Variants in KCTD3 observed in about 807,000 individuals in gnomAD.
The protein encoded by KCTD3 is BTB/POZ domain-containing protein KCTD3.
KCTD3 carries 41 observed loss-of-function variants against 85.8 expected under a neutral mutation model. The observed-to-expected ratio is 0.48, with a 90% CI of 0.37 to 0.62. The LOEUF (loss-of-function observed/expected upper bound fraction) is 0.62. Among genes scored for constraint, KCTD3 ranks in the 20% least tolerant of loss-of-function variants. KCTD3 has a pLI of 0.00. For synonymous variants in KCTD3, 338 were observed against 345.4 expected (o/e 0.98, Z 0.24); for missense variants, 724 against 989.9 (o/e 0.73, Z 3.60).
chr1:215,601,335 A>G (rs140776978), intron 10 of KCTD3, among the ~76,000 whole-genome samples: 74 of 152,370 alleles, frequency 4.9e-4, no homozygotes, highest in African/African-American at 1.7e-3. Context: ...CTAGAAAAGA[A>G]GTAACCTTTA....
chr1:215,603,779 A>G (rs1396147752), intron 12 of KCTD3, among the ~76,000 whole-genome samples: 1 of 152,202 alleles, frequency 6.6e-6, no homozygotes, highest in Non-Finnish European at 1.5e-5. Flanking sequence ...GTGAGGTGAC[A>G]GATAAAAAGA....
intron 15 of KCTD3, among the ~76,000 whole-genome samples, chr1:215,617,789 T>TAA (rs938574791): frequency 5.3e-4 from 78 of 147,400 alleles, no homozygotes; most frequent in African/African-American, 1.8e-3. Context: ...TATATATATA[T>TAA]AATGTATATA....
chr1:215,567,968 G>A (rs1659206247), intron 1 of KCTD3, among the ~76,000 whole-genome samples, 200 bp downstream of exon 1: 1 of 152,220 alleles, frequency 6.6e-6, no homozygotes, highest in Non-Finnish European at 1.5e-5. Flanking sequence ...GGGAGAGGCA[G>A]AAGGGACGCT....
chr1:215,575,964 C>A lies in KCTD3; in HGVS notation c.247C>A (p.Leu83Ile). ...TTTAAATTTTCTTCGGACAAAAGAA[C>A]TAGACTTAAGGTAAGAAATGCACTC... ...PILNFLRTKE[L>I]DLRGVSINVL... Residue 83 changes from leucine (L) to isoleucine (I), a missense_variant, in exon 4 of 18, where the codon CTA becomes ATA. Coordinates refer to ENST00000259154, the MANE Select transcript of KCTD3 (RefSeq NM_016121.5). The A allele has an allele frequency of 1.3e-6, 2 of 1,521,198 alleles. No homozygotes were observed. Among genetic ancestry groups the A allele is most frequent in the South Asian group, 1.2e-5 (1 of 84,164 alleles). 94.2% of individuals were successfully genotyped at this position (1,521,198 alleles called of 1,614,324 possible). A position where few individuals can be genotyped will look rare whatever the true frequency, so the allele number is the denominator to read the frequency against.
intron 7 of KCTD3, 67 bp downstream of exon 7, chr1:215,579,204 T>A: frequency 7.4e-7 from 1 of 1,349,780 alleles, no homozygotes; most frequent in Non-Finnish European, 1.0e-6. Flanking sequence ...TGATATTGAG[T>A]AATTACTTTT....
rs778474888 is a variant in KCTD3 at position 215,620,787 on chromosome 1, CTT to C, written c.*172_*173del. On this transcript the variant is annotated 3_prime_UTR_variant, in exon 18 of 18. Transcript: ENST00000259154. ...ATAATGAGATACAATAATCATATCT[CTT>C]TTGACATTTTGGAAATTTTTTTAAT... 3.8e-5 allele frequency: 20 copies of C among 525,116 alleles called. No individual in the cohort carries two copies. Among genetic ancestry groups the C allele is most frequent in the South Asian group, 2.8e-4 (7 of 24,764 alleles). 32.5% of individuals were successfully genotyped at this position (525,116 alleles called of 1,614,324 possible).
At chr1:215,578,141 A>T (rs1371816307) in intron 6 of KCTD3, 60 bp downstream of exon 6, 4 of 1,387,360 alleles carry the variant, frequency 2.9e-6, no homozygotes, top group Non-Finnish European at 3.0e-6. Context: ...AAGTACAAGC[A>T]TATGAATAGG....
rs992302760 is a variant in KCTD3, at chr1:215,576,637, G to C, written c.257+663G>C. Among the ~76,000 whole-genome samples the C allele has an allele frequency of 2.0e-5, 3 of 151,132 alleles. No individual in the cohort carries two copies. The South Asian group carries it at 6.3e-4, about 32-fold the overall frequency. ...AGACTGAGTCTTACTCTGTCACCCAGACTCACTGCAATCTCCACCTCCCGG... is the reference window on the plus strand; with the variant it reads ...AGACTGAGTCTTACTCTGTCACCCACACTCACTGCAATCTCCACCTCCCGG... On this transcript the variant is annotated intron_variant, in intron 4 of 17. Transcript: ENST00000259154.
Position 215,620,105 on chromosome 1 carries a change from T to C in KCTD3, c.1935T>C (p.Gly645=). The C allele has an allele frequency of 6.2e-7, 1 of 1,611,586 alleles. No individual in the cohort carries two copies. Among genetic ancestry groups the C allele is most frequent in the African/African-American group, 1.3e-5 (1 of 74,868 alleles). ...CCACCCATGAAGCAGCTACTTACGGTTCCATGAGGCCTTACAGAGAAAGTC... is the reference window on the plus strand; with the variant it reads ...CCACCCATGAAGCAGCTACTTACGGCTCCATGAGGCCTTACAGAGAAAGTC... The part of the protein sequence containing the change: ...HDTTHEAATY[G]SMRPYRESPL... The change falls in exon 18 of 18, where the codon GGT becomes GGC. Residue 645 remains glycine (G), a synonymous_variant. Coordinates refer to ENST00000259154, the MANE Select transcript of KCTD3 (RefSeq NM_016121.5).
At chr1:215,602,008 A>G in intron 11 of KCTD3, 54 bp downstream of exon 11, 1 of 1,398,620 alleles carries the variant, frequency 7.1e-7, no homozygotes, top group Non-Finnish European at 1.0e-6. Flanking sequence ...TTTAAATGAG[A>G]ACAAGAAAAC....
chr1:215,600,245 G>T (rs1654780036), intron 10 of KCTD3, among the ~76,000 whole-genome samples: 1 of 152,192 alleles, frequency 6.6e-6, no homozygotes, highest in African/African-American at 2.4e-5. Context: ...GACATTGAGA[G>T]GGTACAGAAA....
At chr1:215,610,179 A>G (rs1277988733) in intron 14 of KCTD3, among the ~76,000 whole-genome samples, 1 of 151,858 alleles carries the variant, frequency 6.6e-6, no homozygotes, top group Non-Finnish European at 1.5e-5. Context: ...GTAAAGGTGA[A>G]ATCTACATTG....
In KCTD3 at chr1:215,586,685, G is replaced by T. The variant is rs969826329; in HGVS notation, c.817G>T (p.Gly273Ter). Residue 273 changes from glycine to a stop codon, truncating the protein, a stop_gained and splice_region_variant, in exon 9 of 18, where the codon GGA (glycine) becomes TGA (stop). Transcript: ENST00000259154. LOFTEE classifies it high-confidence loss of function. ...GGATGGGGGAAGTGGAAGTGAAATTGGTAGGAAGAATCTTGTTTATGTTGC... is the reference window on the plus strand; with the variant it reads ...GGATGGGGGAAGTGGAAGTGAAATTTGTAGGAAGAATCTTGTTTATGTTGC... Reference protein sequence around the residue: ...VQDGGSGSEIGVFSLGVPVDA... With the variant: ...VQDGGSGSEI 1 of 1,604,262 alleles carries T rather than the reference G, an allele frequency of 6.2e-7. No homozygotes were observed. Among genetic ancestry groups the T allele is most frequent in the African/African-American group, 1.3e-5 (1 of 74,746 alleles).
chr1:215,594,933 T>A (rs913844500), intron 9 of KCTD3, among the ~76,000 whole-genome samples: 6 of 152,218 alleles, frequency 3.9e-5, no homozygotes, highest in African/African-American at 1.4e-4. Flanking sequence ...TCACTAGTTC[T>A]TAAATATCGG....
Position 215,618,915 on chromosome 1 carries a change from C to T in KCTD3, c.1592C>T (p.Thr531Ile), listed in dbSNP as rs771690664. The part of the protein sequence containing the change: ...RICEIQAVDC[T>I]TISSFTVREC... ...TGTGAGATCCAGGCTGTTGACTGTA[C>T]TACAATATCCTCATTTACAGTGAGG... Residue 531 changes from threonine to isoleucine, a missense_variant, in exon 16 of 18, where the codon ACT (threonine) becomes ATT (isoleucine). This residue lies in a region of KCTD3 where 136 missense variants were observed against 197.6 expected (regional missense o/e 0.69). Coordinates refer to ENST00000259154, the MANE Select transcript of KCTD3 (RefSeq NM_016121.5). 5 of 1,611,606 alleles carry T rather than the reference C, an allele frequency of 3.1e-6. No homozygotes were observed. Among genetic ancestry groups the T allele is most frequent in the Admixed American group, 1.7e-5 (1 of 59,350 alleles).
intron 1 of KCTD3, among the ~76,000 whole-genome samples, chr1:215,568,746 C>A (rs1659252533): frequency 6.6e-6 from 1 of 152,034 alleles, no homozygotes; most frequent in Non-Finnish European, 1.5e-5. Context: ...GTCTTAGAAC[C>A]ATAGTGATAA....
intron 1 of KCTD3, among the ~76,000 whole-genome samples, chr1:215,568,259 A>G (rs1327432756): frequency 2.0e-5 from 3 of 151,978 alleles, no homozygotes; most frequent in Admixed American, 2.0e-4. Flanking sequence ...TGTAATTTGA[A>G]AGATTTCTGT....
intron 8 of KCTD3, among the ~76,000 whole-genome samples, chr1:215,582,736 A>G (rs1659871479): frequency 6.6e-6 from 1 of 151,786 alleles, no homozygotes. Flanking sequence ...CAATTTTTGT[A>G]TTTTTAGTAG....
chr1:215,618,813 C>T, intron 15 of KCTD3, 73 bp from the exon 16 acceptor site: 2 of 1,124,860 alleles, frequency 1.8e-6, no homozygotes, highest in East Asian at 2.5e-5. Flanking sequence ...TTCTTTCTGT[C>T]TTTTTAGTTT....
Sources: allele counts gnomAD v4.1 joint callset (sites outside exome capture counted in the v4.1 genomes callset), GRCh38; gene constraint gnomAD v4.1.1; regional missense constraint gnomAD v4.1.1; transcripts MANE v1.5; gene names NCBI Gene and HGNC (gene_info 2026-07-23, HGNC 2026-07-21).